Variants in HECW1 observed in about 807,000 individuals in gnomAD.
HECW1 encodes HECT, C2 and WW domain containing E3 ubiquitin protein ligase 1, also known as E3 ubiquitin-protein ligase HECW1.
A neutral mutation model predicts 182.3 loss-of-function variants in HECW1; 61 were observed. That is an observed-to-expected ratio of 0.33 (90% CI 0.27 to 0.41). The LOEUF is 0.41. Among genes scored for constraint, HECW1 ranks in the 10% least tolerant of loss-of-function variants. The pLI is 1.00. For synonymous variants in HECW1, 859 were observed against 832.6 expected, an observed-to-expected ratio of 1.03 and a Z score of -0.55; for missense variants, 1,739 against 2,108.9, an observed-to-expected ratio of 0.82 and a Z score of 3.44.
chr7:43,396,954 CACTT>C, intron 7 of HECW1, 65 bp downstream of exon 7: 2 of 1,156,188 alleles, frequency 1.7e-6, no homozygotes. Context: ...TGAAGACACT[CACTT>C]CCATTTCACT....
chr7:43,329,484 T>G (rs1811195761), intron 5 of HECW1, among the ~76,000 whole-genome samples: 1 of 145,134 alleles, frequency 6.9e-6, no homozygotes, highest in Non-Finnish European at 1.5e-5. Flanking sequence ...ATGAGAAAAA[T>G]GGAAGGGGCT....
chr7:43,380,675 T>C (rs6463186), intron 6 of HECW1, among the ~76,000 whole-genome samples: 96,405 of 151,732 alleles, frequency 0.64, 30,984 homozygotes, highest in African/African-American at 0.72. Context: ...TACAGGCACC[T>C]ACCACCACAC....
At chr7:43,278,825 G>A (rs887517480) in intron 3 of HECW1, among the ~76,000 whole-genome samples, 4 of 151,954 alleles carry the variant, frequency 2.6e-5, no homozygotes, top group African/African-American at 7.3e-5. Flanking sequence ...AACCACCCAC[G>A]CTCCCTAACT....
chr7:43,238,724 C>T (rs1459970462), intron 2 of HECW1, among the ~76,000 whole-genome samples: 4 of 152,070 alleles, frequency 2.6e-5, no homozygotes, highest in African/African-American at 9.7e-5. Flanking sequence ...AAAGGAATAG[C>T]CCACTGGCTA....
At position 43,501,246 on chromosome 7, in the gene HECW1, C is replaced by G. The variant is rs1345907432; in HGVS notation, c.3555C>G (p.Pro1185=). ...LFEEEIMSYV[P]LQAAFHPGYS... ...AAGAAGAGATTATGTCCTACGTCCC[C>G]CTGCAGGCTGCCTTCCACCCTGGGT... Residue 1185 remains proline, a synonymous_variant, in exon 21 of 30, where the codon CCC becomes CCG. Transcript: ENST00000395891. 6.2e-7 allele frequency: 1 copy of G among 1,604,286 alleles called. No homozygotes were observed. The highest frequency in any genetic ancestry group is 8.5e-7 in the Non-Finnish European group (1 of 1,173,192).
chr7:43,344,525 T>C (rs1212470897), intron 5 of HECW1, among the ~76,000 whole-genome samples: 4 of 152,048 alleles, frequency 2.6e-5, no homozygotes, highest in East Asian at 1.9e-4. Context: ...CTTTTTTTTT[T>C]TCTCTGATGT....
intron 2 of HECW1, among the ~76,000 whole-genome samples, chr7:43,162,650 C>T (rs1470182172): frequency 2.6e-5 from 4 of 152,214 alleles, no homozygotes; most frequent in African/African-American, 9.7e-5. Context: ...CACCATTCAT[C>T]TTATTACAGG....
intron 24 of HECW1, among the ~76,000 whole-genome samples, chr7:43,531,793 C>T (rs1040303833): frequency 1.1e-4 from 17 of 152,196 alleles, no homozygotes; most frequent in African/African-American, 3.4e-4. Context: ...CCTCCAGCCT[C>T]GCCACCTGTT....
At position 43,501,243 on chromosome 7, in the gene HECW1, C is replaced by A; in HGVS notation, c.3552C>A (p.Val1184=). ...TTGAAGAAGAGATTATGTCCTACGT[C>A]CCCCTGCAGGCTGCCTTCCACCCTG... ...SLFEEEIMSY[V]PLQAAFHPGY... The change falls in exon 21 of 30, where the codon GTC becomes GTA. Residue 1184 remains valine, a synonymous_variant. Coordinates refer to ENST00000395891, the MANE Select transcript of HECW1 (RefSeq NM_015052.5). 6.3e-7 allele frequency: 1 copy of A among 1,580,024 alleles called. No individual in the cohort carries two copies. The highest frequency in any genetic ancestry group is 8.7e-7 in the Non-Finnish European group (1 of 1,155,782).
At chr7:43,540,482 T>A (rs1283881085) in intron 24 of HECW1, among the ~76,000 whole-genome samples, 2 of 152,182 alleles carry the variant, frequency 1.3e-5, no homozygotes, top group Non-Finnish European at 2.9e-5. Flanking sequence ...TGCAAAATGC[T>A]CAGGAAGTCA....
In HECW1 at chr7:43,311,751, T is replaced by G; in HGVS notation, c.28-12T>G. ...TGCCCTGACCCTGCTCACTGTCTCT[T>G]TGCTCCCACAGAATCTGTACCAGAA... is the stretch of plus-strand genomic sequence containing the variant. On this transcript the variant is annotated splice_polypyrimidine_tract_variant and intron_variant, in intron 3 of 29. Coordinates refer to ENST00000395891, the MANE Select transcript of HECW1 (RefSeq NM_015052.5). The G allele has an allele frequency of 1.2e-6, 2 of 1,613,590 alleles. No individual in the cohort carries two copies. The highest frequency in any genetic ancestry group is 1.7e-6 in the Non-Finnish European group (2 of 1,179,698).
chr7:43,209,354 C>G (rs1795789019), intron 2 of HECW1, among the ~76,000 whole-genome samples: 1 of 152,154 alleles, frequency 6.6e-6, no homozygotes, highest in Non-Finnish European at 1.5e-5. Flanking sequence ...CAGCCAGGGC[C>G]TGCGGGTGTG....
intron 3 of HECW1, chr7:43,245,710 A>C (rs1219782842): frequency 6.6e-6 from 1 of 152,256 alleles, no homozygotes; most frequent in African/African-American, 2.4e-5. Context: ...ATGAGAGAGA[A>C]GACTGGGATC....
chr7:43,305,456 C>T (rs1807423887), intron 3 of HECW1, among the ~76,000 whole-genome samples: 1 of 152,064 alleles, frequency 6.6e-6, no homozygotes, highest in Non-Finnish European at 1.5e-5. Context: ...ATAAAAGTGC[C>T]CTCTTATAAT....
chr7:43,456,028 G>A (rs2077391966), intron 12 of HECW1, among the ~76,000 whole-genome samples: 1 of 152,044 alleles, frequency 6.6e-6, no homozygotes, highest in African/African-American at 2.4e-5. Flanking sequence ...GAAAGTATTA[G>A]AATTTTAACA....
intron 2 of HECW1, among the ~76,000 whole-genome samples, chr7:43,149,795 A>T (rs1040983882): frequency 3.3e-5 from 5 of 152,190 alleles, no homozygotes; most frequent in Admixed American, 1.3e-4. Flanking sequence ...TAACACACTC[A>T]TACAATAGGG....
intron 3 of HECW1, chr7:43,274,539 C>A (rs778525691): frequency 7.1e-6 from 4 of 563,400 alleles, no homozygotes; most frequent in Non-Finnish European, 1.3e-5. Flanking sequence ...ACAAGTGCCG[C>A]CGGGCCACGC....
At chr7:43,381,273 G>T (rs1315997783) in intron 6 of HECW1, among the ~76,000 whole-genome samples, 3 of 151,956 alleles carry the variant, frequency 2.0e-5, no homozygotes, top group African/African-American at 7.3e-5. Context: ...CCTGTGGATG[G>T]CATTTTAGAA....
chr7:43,499,202 A>C (rs1585097321), intron 19 of HECW1, among the ~76,000 whole-genome samples: 1 of 152,252 alleles, frequency 6.6e-6, no homozygotes, highest in East Asian at 1.9e-4. Flanking sequence ...GGATCACTGG[A>C]GCCTTGGGAG....
Sources: allele counts gnomAD v4.1 joint callset (sites outside exome capture counted in the v4.1 genomes callset), GRCh38; gene constraint gnomAD v4.1.1; transcripts MANE v1.5; gene names NCBI Gene and HGNC (gene_info 2026-07-23, HGNC 2026-07-21).